The following SORCS2 variants were observed in gnomAD, a reference collection of about 807,000 sequenced individuals.
SORCS2 encodes the protein sortilin related VPS10 domain containing receptor 2.
SORCS2 carries 100 observed loss-of-function variants against 141.6 expected under a neutral mutation model. The ratio of observed to expected loss-of-function variants is 0.71; its 90% CI spans 0.60 to 0.83. The LOEUF is 0.83. Ranked by LOEUF, SORCS2 falls within the 40% of genes least tolerant of loss-of-function variation. SORCS2 has a pLI of 0.00. For synonymous variants in SORCS2, 789 were observed against 676.9 expected, an observed-to-expected ratio of 1.17 and a Z score of -2.57; for missense variants, 1,646 against 1,560.2, an observed-to-expected ratio of 1.05 and a Z score of -0.93.
chr4:7,217,022 C>T (rs552433944), intron 1 of SORCS2, among the ~76,000 whole-genome samples: 1 of 152,242 alleles, frequency 6.6e-6, no homozygotes, highest in African/African-American at 2.4e-5. Context: ...ATCCTCCGAC[C>T]GCACTACAGC....
At chr4:7,507,647 G>GAC (rs1195477628) in intron 2 of SORCS2, among the ~76,000 whole-genome samples, 3 of 152,172 alleles carry the variant, frequency 2.0e-5, no homozygotes, top group East Asian at 1.9e-4. Flanking sequence ...TCAGCACCGT[G>GAC]ACACACACAC....
At chr4:7,317,583 C>G (rs527275943) in intron 1 of SORCS2, among the ~76,000 whole-genome samples, 3 of 152,288 alleles carry the variant, frequency 2.0e-5, no homozygotes, top group South Asian at 4.1e-4. Context: ...TTCCTCTTCC[C>G]CATGGGCCTG....
intron 2 of SORCS2, among the ~76,000 whole-genome samples, chr4:7,506,976 C>A (rs1301974242): frequency 2.6e-5 from 4 of 151,768 alleles, no homozygotes; most frequent in Non-Finnish European, 5.9e-5. Flanking sequence ...TTTTACTAGA[C>A]CCCTTGAGCC....
chr4:7,540,656 C>G (rs575743568), intron 3 of SORCS2, among the ~76,000 whole-genome samples: 1 of 152,312 alleles, frequency 6.6e-6, no homozygotes, highest in East Asian at 1.9e-4. Flanking sequence ...CAGCATCACC[C>G]GCTCCCCGGC....
At chr4:7,313,145 C>G (rs543967196) in intron 1 of SORCS2, among the ~76,000 whole-genome samples, 1 of 152,264 alleles carries the variant, frequency 6.6e-6, no homozygotes, top group African/African-American at 2.4e-5. Context: ...AGCAAATGAG[C>G]TACCTCAATG....
intron 1 of SORCS2, among the ~76,000 whole-genome samples, chr4:7,360,732 A>C (rs1030270279): frequency 6.6e-6 from 1 of 150,784 alleles, no homozygotes; most frequent in African/African-American, 2.4e-5. Flanking sequence ...ATAGGCACAC[A>C]CCACCACACT....
At chr4:7,576,434 G>A (rs1373850340) in intron 3 of SORCS2, among the ~76,000 whole-genome samples, 3 of 152,200 alleles carry the variant, frequency 2.0e-5, no homozygotes, top group South Asian at 4.2e-4. Context: ...GATAGGAAAC[G>A]ACAAAGCAAG....
chr4:7,554,084 C>G (rs73214650), intron 3 of SORCS2, among the ~76,000 whole-genome samples: 7 of 128,702 alleles, frequency 5.4e-5, no homozygotes, highest in Non-Finnish European at 8.2e-5. Context: ...AACGAGGGAA[C>G]AAATGCAAGG....
intron 3 of SORCS2, among the ~76,000 whole-genome samples, chr4:7,585,694 C>A (rs980322710): frequency 6.6e-6 from 1 of 152,230 alleles, no homozygotes; most frequent in Non-Finnish European, 1.5e-5. Context: ...ATGCTCACAG[C>A]CTCTTCCATC....
intron 14 of SORCS2, among the ~76,000 whole-genome samples, chr4:7,710,490 A>G (rs76854568): frequency 0.032 from 4,834 of 152,310 alleles, 253 homozygotes; most frequent in African/African-American, 0.11. Flanking sequence ...TCAGGGATCC[A>G]GAAGTTTCCC....
chr4:7,338,421 A>AGGATGGATGGATGGATGGAT (rs71173495), intron 1 of SORCS2, among the ~76,000 whole-genome samples: 23 of 148,686 alleles, frequency 1.5e-4, no homozygotes, highest in African/African-American at 5.5e-4. Flanking sequence ...GTTGGATGGA[A>AGGATGGATGGATGGATGGAT]GGATGGATGG....
chr4:7,726,691 C>T, intron 20 of SORCS2, 89 bp from the exon 21 acceptor site: 1 of 1,512,402 alleles, frequency 6.6e-7, no homozygotes, highest in Non-Finnish European at 8.9e-7. Context: ...GACAGCAATG[C>T]TCTCAGTGAG....
At chr4:7,604,894 G>C (rs552088424) in intron 3 of SORCS2, among the ~76,000 whole-genome samples, 1 of 152,180 alleles carries the variant, frequency 6.6e-6, no homozygotes, top group Non-Finnish European at 1.5e-5. Flanking sequence ...TTCTAAGCTG[G>C]CTCCTCTCCT....
intron 3 of SORCS2, among the ~76,000 whole-genome samples, chr4:7,612,376 C>A (rs974253951): frequency 6.7e-4 from 102 of 152,322 alleles, no homozygotes; most frequent in African/African-American, 2.3e-3. Context: ...ATCCCAGGCA[C>A]CCTGCCGTGC....
Position 7,427,842 on chromosome 4 carries a change from C to T in SORCS2, c.548+31487C>T, listed in dbSNP as rs747279455. Among the ~76,000 whole-genome samples, 568 of 112,350 alleles carry T rather than the reference C, an allele frequency of 5.1e-3. 2 individuals carry two copies. The highest frequency in any genetic ancestry group is 7.6e-3 in the African/African-American group (279 of 36,606). The allele number at this position is 112,350 out of a possible 152,430, so 73.7% of individuals were successfully genotyped here. On this transcript the variant is annotated intron_variant, in intron 2 of 26. Coordinates refer to ENST00000507866, the MANE Select transcript of SORCS2 (RefSeq NM_020777.3). Reference sequence around the variant, plus strand: ...CCCCTCCCCAACGATCCCACACCACCGCCCCCCCGCCCCCCCGCACCAGGC... The same window carrying T: ...CCCCTCCCCAACGATCCCACACCACTGCCCCCCCGCCCCCCCGCACCAGGC...
chr4:7,464,810 C>A (rs1487415158), intron 2 of SORCS2, among the ~76,000 whole-genome samples: 2 of 152,202 alleles, frequency 1.3e-5, no homozygotes, highest in African/African-American at 4.8e-5. Flanking sequence ...TGCTGGGCAT[C>A]GGGATAGTGC....
chr4:7,462,966 G>A (rs768473721), intron 2 of SORCS2, among the ~76,000 whole-genome samples: 1 of 151,754 alleles, frequency 6.6e-6, no homozygotes, highest in African/African-American at 2.4e-5. Context: ...GGACTGAGGA[G>A]TGCCTGTTTG....
At chr4:7,418,239 G>A (rs754325203) in intron 2 of SORCS2, among the ~76,000 whole-genome samples, 21 of 152,184 alleles carry the variant, frequency 1.4e-4, no homozygotes, top group Non-Finnish European at 2.4e-4. Flanking sequence ...TGGGGCTCGC[G>A]TTCTAGCAGG....
intron 3 of SORCS2, among the ~76,000 whole-genome samples, chr4:7,537,585 A>C (rs549696850): frequency 6.6e-6 from 1 of 152,312 alleles, no homozygotes; most frequent in South Asian, 2.1e-4. Context: ...CCTACTATGC[A>C]CTGGGTCCCT....
Sources: gnomAD v4.1 joint callset for allele counts (sites outside exome capture counted in the v4.1 genomes callset) on GRCh38, gnomAD v4.1.1 for gene constraint, MANE v1.5 for transcripts, NCBI Gene and HGNC (gene_info 2026-07-23, HGNC 2026-07-21) for gene names.